Variants in PCDH9 observed in about 807,000 individuals in gnomAD.
PCDH9 encodes the protein protocadherin 9.
Under a neutral mutation model 70.6 loss-of-function variants are expected in PCDH9, and 24 were observed. That is an observed-to-expected ratio of 0.34 (90% CI 0.25 to 0.48). The LOEUF is 0.48. Among genes scored for constraint, PCDH9 ranks in the 20% least tolerant of loss-of-function variants. The probability of loss-of-function intolerance (pLI) is 0.99; values close to 1 mark genes in which losing one functional copy is unlikely to be tolerated. For synonymous variants in PCDH9, 562 were observed against 558.5 expected (o/e 1.01, Z -0.09); for missense variants, 1,281 against 1,503.6 (o/e 0.85, Z 2.45).
intron 2 of PCDH9, chr13:67,214,935 G>GATATATATGTATATATATATATAT (rs2089557079): frequency 2.2e-5 from 2 of 89,248 alleles, no homozygotes; most frequent in African/African-American, 4.5e-5. Flanking sequence ...TTGCGAGCCA[G>GATATATATGTATATATATATATAT]ATATATATAT....
At chr13:66,407,550 G>T (rs1359873002) in intron 4 of PCDH9, among the ~76,000 whole-genome samples, 1 of 152,036 alleles carries the variant, frequency 6.6e-6, no homozygotes, top group Non-Finnish European at 1.5e-5. Context: ...TTCCATGTAG[G>T]TATAAAACTT....
intron 3 of PCDH9, among the ~76,000 whole-genome samples, chr13:66,767,708 C>A (rs1199245735): frequency 6.6e-6 from 1 of 152,080 alleles, no homozygotes; most frequent in Non-Finnish European, 1.5e-5. Flanking sequence ...CTATTGAACT[C>A]TGCTCAATAT....
intron 3 of PCDH9, among the ~76,000 whole-genome samples, chr13:66,645,244 G>A (rs1355941033): frequency 6.6e-6 from 1 of 152,080 alleles, no homozygotes. Context: ...TTTAGTGCAT[G>A]AGTATGATCT....
chr13:66,649,043 T>A (rs969749350), intron 3 of PCDH9, among the ~76,000 whole-genome samples: 6 of 152,032 alleles, frequency 3.9e-5, no homozygotes, highest in African/African-American at 1.2e-4. Flanking sequence ...TAAAAAAGAT[T>A]GAAGCCTTCC....
intron 4 of PCDH9, among the ~76,000 whole-genome samples, chr13:66,582,287 C>T (rs896510282): frequency 1.3e-5 from 2 of 152,044 alleles, no homozygotes; most frequent in African/African-American, 4.8e-5. Context: ...GTTGTTAAGT[C>T]ATTTAAGCAA....
rs552859461 is a variant in PCDH9 at position 67,052,766 on chromosome 13, G to A, written c.3037-149161C>T. ...AGATATGTATTAGGCAGAAAGAACC[G>A]ATTTATTCGACGGTGGAGGCGGAAG... On this transcript the variant is annotated intron_variant, in intron 2 of 4. Transcript: ENST00000377865. 5.8e-4 allele frequency among the ~76,000 whole-genome samples: 88 copies of A among 152,188 alleles called. 1 individual carries two copies. Among genetic ancestry groups the A allele is most frequent in the Non-Finnish European group, 1.0e-3 (68 of 68,004 alleles).
chr13:67,018,183 A>G (rs1344526090), intron 2 of PCDH9, among the ~76,000 whole-genome samples: 1 of 152,220 alleles, frequency 6.6e-6, no homozygotes, highest in East Asian at 1.9e-4. Flanking sequence ...TGTGAATTAT[A>G]CTGGAGATAT....
In PCDH9 at chr13:67,227,283, A is replaced by G. The variant is rs1485113128; in HGVS notation, c.1158T>C (p.Ile386=). ...KDPVNTKIAL[I]TVSDKDTDVN... Reference sequence around the variant, plus strand: ...CATCTGTGTCCTTATCTGAAACTGTAATTAGGGCAATCTTTGTATTGACAG... The same window carrying G: ...CATCTGTGTCCTTATCTGAAACTGTGATTAGGGCAATCTTTGTATTGACAG... Residue 386 remains isoleucine (I), a synonymous_variant, in exon 2 of 5, where the codon ATT becomes ATC. Coordinates refer to ENST00000377865, the MANE Select transcript of PCDH9 (RefSeq NM_203487.3). This position sits in a 1 kb window ranked among gnomAD's most constrained non-coding sequence, Gnocchi z 4.6. The G allele has an allele frequency of 1.2e-6, 2 of 1,612,948 alleles. No individual in the cohort carries two copies. Among genetic ancestry groups the G allele is most frequent in the Non-Finnish European group, 1.7e-6 (2 of 1,179,058 alleles).
At chr13:66,314,522 T>C (rs189331996) in intron 4 of PCDH9, among the ~76,000 whole-genome samples, 3 of 152,346 alleles carry the variant, frequency 2.0e-5, no homozygotes, top group Admixed American at 2.0e-4. Context: ...AATCACTTGG[T>C]CTTACACAAC....
At chr13:66,482,391 A>G (rs534923810) in intron 4 of PCDH9, among the ~76,000 whole-genome samples, 1 of 152,330 alleles carries the variant, frequency 6.6e-6, no homozygotes, top group African/African-American at 2.4e-5. Context: ...TGAGGAAGAA[A>G]GCACACTTTC....
intron 2 of PCDH9, among the ~76,000 whole-genome samples, chr13:66,988,954 C>T (rs2083947226): frequency 6.6e-6 from 1 of 151,914 alleles, no homozygotes; most frequent in Non-Finnish European, 1.5e-5. Context: ...GATGTAATTT[C>T]TTTCATATGT....
intron 2 of PCDH9, among the ~76,000 whole-genome samples, chr13:67,177,980 G>A (rs1208746346): frequency 5.3e-5 from 8 of 152,004 alleles, no homozygotes; most frequent in Admixed American, 5.2e-4. Context: ...TGCTCAATAA[G>A]GGAAAGCAAT....
chr13:66,727,181 C>T (rs1055460059), intron 3 of PCDH9, among the ~76,000 whole-genome samples: 14 of 152,120 alleles, frequency 9.2e-5, no homozygotes, highest in Non-Finnish European at 1.8e-4. Context: ...GGAATATCCC[C>T]TGAGCCCAGT....
chr13:67,014,804 G>C (rs919843644), intron 2 of PCDH9, among the ~76,000 whole-genome samples: 1 of 151,972 alleles, frequency 6.6e-6, no homozygotes, highest in Admixed American at 6.6e-5. Context: ...TTCTGTGCTT[G>C]TAAATAACTT....
chr13:66,425,868 G>A (rs537264170), intron 4 of PCDH9, among the ~76,000 whole-genome samples: 1 of 151,790 alleles, frequency 6.6e-6, no homozygotes, highest in African/African-American at 2.4e-5. Context: ...TCTAGTAAGT[G>A]TGCTATCTGC....
intron 4 of PCDH9, among the ~76,000 whole-genome samples, chr13:66,461,400 G>A (rs897653249): frequency 2.6e-5 from 4 of 151,390 alleles, no homozygotes; most frequent in African/African-American, 9.7e-5. Flanking sequence ...AGTGTTTTGT[G>A]TTGAATGCAG....
At chr13:66,844,017 T>C (rs2139435355) in intron 3 of PCDH9, among the ~76,000 whole-genome samples, 1 of 152,214 alleles carries the variant, frequency 6.6e-6, no homozygotes, top group South Asian at 2.1e-4. Context: ...ATACATTTTT[T>C]TTTCAAGAAT....
intron 2 of PCDH9, among the ~76,000 whole-genome samples, chr13:66,963,791 A>G (rs1034790501): frequency 6.6e-6 from 1 of 152,184 alleles, no homozygotes; most frequent in Non-Finnish European, 1.5e-5. Context: ...TCAACGTCCA[A>G]TGAAATATGG....
chr13:67,092,170 G>T (rs2086230684), intron 2 of PCDH9, among the ~76,000 whole-genome samples: 1 of 151,772 alleles, frequency 6.6e-6, no homozygotes, highest in Non-Finnish European at 1.5e-5. Context: ...CCATTTACTT[G>T]GGTTGTTCTT....
Sources: gnomAD v4.1 joint callset for allele counts (sites outside exome capture counted in the v4.1 genomes callset) on GRCh38, gnomAD v4.1.1 for gene constraint, Gnocchi (gnomAD v3.1) non-coding constraint, MANE v1.5 for transcripts, NCBI Gene and HGNC (gene_info 2026-07-23, HGNC 2026-07-21) for gene names.